The following UBASH3B variants were observed in gnomAD, a reference collection of about 807,000 sequenced individuals.
UBASH3B encodes the protein ubiquitin associated and SH3 domain containing B, also known as ubiquitin-associated and SH3 domain-containing protein B.
In UBASH3B, 37 loss-of-function variants were observed where a neutral mutation model predicts 83.4. The ratio of observed to expected loss-of-function variants is 0.44; its 90% CI spans 0.34 to 0.58. UBASH3B has a LOEUF of 0.58. UBASH3B is among the 20% of genes least tolerant of loss of function. The pLI is 0.01. For synonymous variants in UBASH3B, 304 were observed against 318.3 expected (o/e 0.96, Z 0.48); for missense variants, 657 against 827.2 (o/e 0.79, Z 2.52).
intron 1 of UBASH3B, among the ~76,000 whole-genome samples, chr11:122,696,627 G>C (rs963252854): frequency 6.9e-6 from 1 of 143,920 alleles, no homozygotes; most frequent in Non-Finnish European, 1.5e-5. Flanking sequence ...TTCTAAATCT[G>C]TATTTTCAAA....
chr11:122,730,062 G>T (rs1860816172), intron 1 of UBASH3B, among the ~76,000 whole-genome samples: 1 of 150,816 alleles, frequency 6.6e-6, no homozygotes, highest in South Asian at 2.1e-4. Context: ...GAGGCAGGTG[G>T]ATCACTTGAA....
At chr11:122,779,105 A>G (rs764947939) in intron 3 of UBASH3B, among the ~76,000 whole-genome samples, 1 of 152,226 alleles carries the variant, frequency 6.6e-6, no homozygotes, top group Admixed American at 6.5e-5. Context: ...ATGATGAACT[A>G]TAGTCACTGT....
intron 11 of UBASH3B, among the ~76,000 whole-genome samples, chr11:122,804,780 C>G (rs1861309463): frequency 6.6e-6 from 1 of 152,132 alleles, no homozygotes; most frequent in Non-Finnish European, 1.5e-5. Flanking sequence ...TACCACACCT[C>G]CACCAGGCAC....
chr11:122,675,404 C>T (rs915088323), intron 1 of UBASH3B, among the ~76,000 whole-genome samples: 12 of 152,178 alleles, frequency 7.9e-5, no homozygotes, highest in African/African-American at 2.4e-4. Flanking sequence ...AAAGGTGACG[C>T]GGATGCTCAG....
At chr11:122,707,393 T>C (rs950055192) in intron 1 of UBASH3B, among the ~76,000 whole-genome samples, 3 of 152,154 alleles carry the variant, frequency 2.0e-5, no homozygotes, top group African/African-American at 7.2e-5. Context: ...TTCTACTCCT[T>C]GCAAGAGAAC....
intron 13 of UBASH3B, among the ~76,000 whole-genome samples, chr11:122,808,874 G>T (rs1861387950): frequency 6.6e-6 from 1 of 151,928 alleles, no homozygotes. Flanking sequence ...GTTTGTAAAT[G>T]CAGCTCTGGA....
rs777032118 is a variant in UBASH3B at position 122,783,059 on chromosome 11, A to G, written c.608A>G (p.His203Arg). The G allele has an allele frequency of 6.2e-7, 1 of 1,611,828 alleles. No individual in the cohort carries two copies. The highest frequency in any genetic ancestry group is 1.1e-5 in the South Asian group (1 of 90,780). The stretch of plus-strand genomic sequence containing the variant: ...TTTTTCTTCCTTTTTCCAGAAGTGC[A>G]TGTGGAACCTCATAAGAAGCAGCTA... ...AAEAASKTEV[H>R]VEPHKKQLHV... Residue 203 changes from histidine (H) to arginine (R), a missense_variant, in exon 5 of 14, where the codon CAT becomes CGT. Physicochemically the swap from His to Arg is conservative, Grantham distance 29. Around this residue, in one of 3 missense-constraint regions of UBASH3B, gnomAD observed 573 missense variants for 739.0 expected, o/e 0.78. Coordinates refer to ENST00000284273, the MANE Select transcript of UBASH3B (RefSeq NM_032873.5).
chr11:122,757,709 C>CTTTT (rs781180822), intron 1 of UBASH3B, among the ~76,000 whole-genome samples: 9 of 92,136 alleles, frequency 9.8e-5, no homozygotes, highest in African/African-American at 2.3e-4. Flanking sequence ...CTTCTTTTCC[C>CTTTT]TTTTTTTTTT....
chr11:122,726,831 C>T (rs1860750114), intron 1 of UBASH3B, among the ~76,000 whole-genome samples: 1 of 152,208 alleles, frequency 6.6e-6, no homozygotes, highest in African/African-American at 2.4e-5. Flanking sequence ...GACTTTGTCT[C>T]CCTGTTATGT....
At chr11:122,763,414 G>C (rs977192989) in intron 1 of UBASH3B, among the ~76,000 whole-genome samples, 1 of 152,190 alleles carries the variant, frequency 6.6e-6, no homozygotes, top group African/African-American at 2.4e-5. Flanking sequence ...CCCCTAAGGA[G>C]GGCTGCCTAA....
Position 122,796,959 on chromosome 11 carries a change from G to C in UBASH3B, c.1283G>C (p.Arg428Pro). 6.2e-7 allele frequency: 1 copy of C among 1,614,098 alleles called. No homozygotes were observed. Among genetic ancestry groups the C allele is most frequent in the Non-Finnish European group, 8.5e-7 (1 of 1,180,018 alleles). Residue 428 changes from arginine to proline, a missense_variant, in exon 9 of 14, where the codon CGG becomes CCG. Physicochemically the swap from Arg to Pro is moderately radical, Grantham distance 103. Coordinates refer to ENST00000284273, the MANE Select transcript of UBASH3B (RefSeq NM_032873.5). Reference sequence around the variant, plus strand: ...AACATGCCTCATAGTTTACCTCAGCGGAGTGGTGGTTTCCGAGATTACGAG... The same window carrying C: ...AACATGCCTCATAGTTTACCTCAGCCGAGTGGTGGTTTCCGAGATTACGAG... ...NLNMPHSLPQ[R>P]SGGFRDYEKD...
chr11:122,778,190 T>C (rs1387676311), intron 3 of UBASH3B, among the ~76,000 whole-genome samples: 1 of 152,226 alleles, frequency 6.6e-6, no homozygotes, highest in Admixed American at 6.5e-5. Flanking sequence ...ATATTTTGCT[T>C]TCTTCCCCAG....
chr11:122,772,549 T>TTTGTC (rs1860663650), intron 1 of UBASH3B, among the ~76,000 whole-genome samples: 1 of 152,064 alleles, frequency 6.6e-6, no homozygotes, highest in Non-Finnish European at 1.5e-5. Context: ...GGAAAGCTGC[T>TTTGTC]TTGTCTCAGG....
rs537869647 is a variant in UBASH3B, at chr11:122,774,103, C to T, written c.162-2116C>T. 15 of 984,764 alleles carry T rather than the reference C, an allele frequency of 1.5e-5. No homozygotes were observed. In the East Asian group the frequency reaches 3.4e-4, roughly 22 times the overall value. The allele number at this position is 984,764 out of a possible 1,614,324, so 61.0% of individuals were successfully genotyped here. ...TGTGGCCTCTGATTGTCTAGTAAGT[C>T]GTGAGGAAACAGACAAGGCTGCAAC... On this transcript the variant is annotated intron_variant, in intron 1 of 13. Transcript: ENST00000284273.
intron 1 of UBASH3B, among the ~76,000 whole-genome samples, chr11:122,757,928 TATCTCTTGACCTCATG>T (rs1393372401): frequency 1.3e-5 from 2 of 151,536 alleles, no homozygotes; most frequent in Non-Finnish European, 2.9e-5. Flanking sequence ...TGATGGTCTC[TATCTCTTGACCTCATG>T]ATCCACCCGC....
At chr11:122,702,444 T>G (rs1250814167) in intron 1 of UBASH3B, among the ~76,000 whole-genome samples, 1 of 152,040 alleles carries the variant, frequency 6.6e-6, no homozygotes, top group Non-Finnish European at 1.5e-5. Context: ...ATTGGAGATT[T>G]CAGAGAACCC....
intron 1 of UBASH3B, among the ~76,000 whole-genome samples, chr11:122,705,978 A>T (rs4936724): frequency 3.3e-5 from 5 of 152,002 alleles, no homozygotes; most frequent in African/African-American, 9.7e-5. Context: ...CTGGGACACA[A>T]GTGGGGGCTG....
At chr11:122,676,269 A>G (rs953684150) in intron 1 of UBASH3B, among the ~76,000 whole-genome samples, 28 of 151,942 alleles carry the variant, frequency 1.8e-4, no homozygotes, top group African/African-American at 6.5e-4. Context: ...GCTGGGCAGG[A>G]TGACTCACAG....
At chr11:122,766,137 T>C (rs1212897442) in intron 1 of UBASH3B, among the ~76,000 whole-genome samples, 1 of 152,068 alleles carries the variant, frequency 6.6e-6, no homozygotes, top group Admixed American at 6.6e-5. Context: ...GGGAGAAGCA[T>C]CTCCAAGTGA....
Sources: allele counts gnomAD v4.1 joint callset (sites outside exome capture counted in the v4.1 genomes callset), GRCh38; gene constraint gnomAD v4.1.1; regional missense constraint gnomAD v4.1.1; transcripts MANE v1.5; gene names NCBI Gene and HGNC (gene_info 2026-07-23, HGNC 2026-07-21).